Variants in GSG1L observed in about 807,000 individuals in gnomAD.
GSG1L encodes the protein germ cell-specific gene 1-like protein.
GSG1L carries 24 observed loss-of-function variants against 42.1 expected under a neutral mutation model. The observed-to-expected ratio is 0.57, with a 90% CI of 0.41 to 0.80. The LOEUF (loss-of-function observed/expected upper bound fraction) is 0.80, where lower values mean the gene tolerates loss of function less well. Ranked by LOEUF, GSG1L falls within the 30% of genes least tolerant of loss-of-function variation. The pLI is 0.00. For synonymous variants in GSG1L, 215 were observed against 203.5 expected, an observed-to-expected ratio of 1.06 and a Z score of -0.48; for missense variants, 445 against 472.2, an observed-to-expected ratio of 0.94 and a Z score of 0.53.
intron 1 of GSG1L, among the ~76,000 whole-genome samples, chr16:27,999,393 C>T (rs1444835926): frequency 1.3e-5 from 2 of 152,128 alleles, no homozygotes; most frequent in African/African-American, 4.8e-5. Flanking sequence ...TTGCAGTGAG[C>T]TGCAACAACA....
chr16:27,905,262 C>T (rs1156633620), intron 2 of GSG1L, among the ~76,000 whole-genome samples: 1 of 151,800 alleles, frequency 6.6e-6, no homozygotes, highest in East Asian at 1.9e-4. Context: ...TCAACTTCTA[C>T]TGAGCACTTG....
chr16:27,839,429 T>C (rs963028867), intron 4 of GSG1L, among the ~76,000 whole-genome samples: 1 of 152,202 alleles, frequency 6.6e-6, no homozygotes, highest in African/African-American at 2.4e-5. Flanking sequence ...GAGAACTTTT[T>C]CCATTTCTCT....
At chr16:27,968,159 G>C (rs1376444963) in intron 1 of GSG1L, among the ~76,000 whole-genome samples, 1 of 152,012 alleles carries the variant, frequency 6.6e-6, no homozygotes, top group African/African-American at 2.4e-5. Context: ...TTGGCAAAAA[G>C]ATGAATATAT....
In GSG1L at chr16:28,063,523, C is replaced by G. The variant is rs1056204308; in HGVS notation, c.-99G>C. On this transcript the variant is annotated 5_prime_UTR_variant, in exon 1 of 7. Transcript: ENST00000447459. This position sits in a 1 kb window ranked among gnomAD's most constrained non-coding sequence, Gnocchi z 5.8. Reference sequence around the variant, plus strand: ...GTCAGCGGCCGCTGCCCGCCGCGCCCCGGGGCTCGGGTGCCTGAGATCGGC... The same window carrying G: ...GTCAGCGGCCGCTGCCCGCCGCGCCGCGGGGCTCGGGTGCCTGAGATCGGC... The G allele has an allele frequency of 1.3e-6, 1 of 748,196 alleles. No individual in the cohort carries two copies. The highest frequency in any genetic ancestry group is 5.5e-5 in the Admixed American group (1 of 18,300). 46.3% of individuals were successfully genotyped at this position (748,196 alleles called of 1,614,324 possible).
chr16:27,981,545 C>T (rs942963118), intron 1 of GSG1L, among the ~76,000 whole-genome samples: 4 of 152,176 alleles, frequency 2.6e-5, no homozygotes, highest in Admixed American at 6.5e-5. Context: ...GTTCAACTGA[C>T]GGGGCAGCAG....
chr16:27,870,119 CTCTG>C (rs1305789726), intron 3 of GSG1L, among the ~76,000 whole-genome samples: 66 of 149,250 alleles, frequency 4.4e-4, no homozygotes, highest in Middle Eastern at 3.6e-3. Context: ...TCTCTCCTCT[CTCTG>C]TCTGTCTCTG....
intron 1 of GSG1L, among the ~76,000 whole-genome samples, chr16:28,030,861 G>A (rs2085953104): frequency 7.1e-6 from 1 of 140,412 alleles, no homozygotes; most frequent in South Asian, 2.6e-4. Context: ...GATAGACTGG[G>A]ATGGGATGGG....
chr16:28,019,365 G>C (rs1035117661), intron 1 of GSG1L, among the ~76,000 whole-genome samples: 3 of 152,122 alleles, frequency 2.0e-5, no homozygotes, highest in Non-Finnish European at 4.4e-5. Flanking sequence ...TCCCACCAGC[G>C]CCATGACGGT....
At chr16:28,002,101 T>G (rs1476962410) in intron 1 of GSG1L, among the ~76,000 whole-genome samples, 1 of 152,138 alleles carries the variant, frequency 6.6e-6, no homozygotes, top group African/African-American at 2.4e-5. Flanking sequence ...GAGGATTCAG[T>G]GGTGCGCAAG....
At chr16:27,942,946 A>G (rs1445289554) in intron 2 of GSG1L, among the ~76,000 whole-genome samples, 1 of 152,246 alleles carries the variant, frequency 6.6e-6, no homozygotes. Flanking sequence ...TGGAGTATGC[A>G]TGAAAATCAC....
At chr16:27,869,368 G>C (rs74483933) in intron 3 of GSG1L, among the ~76,000 whole-genome samples, 7,563 of 151,424 alleles carry the variant, frequency 0.05, 412 homozygotes, top group Admixed American at 0.11. Context: ...AGTAAATGTC[G>C]GCCCATTTGC....
intron 2 of GSG1L, among the ~76,000 whole-genome samples, chr16:27,923,688 T>G (rs2084554629): frequency 7.0e-6 from 1 of 142,448 alleles, no homozygotes; most frequent in Non-Finnish European, 1.5e-5. Context: ...GTTGCAAGAT[T>G]GAGCCACTGC....
chr16:27,847,628 C>G (rs1244111552), intron 3 of GSG1L, among the ~76,000 whole-genome samples: 1 of 151,900 alleles, frequency 6.6e-6, no homozygotes, highest in Non-Finnish European at 1.5e-5. Flanking sequence ...ACCCAAATCT[C>G]TCACCGAATT....
intron 2 of GSG1L, among the ~76,000 whole-genome samples, chr16:27,942,147 CT>C (rs34617355): frequency 0.14 from 16,050 of 115,760 alleles, 573 homozygotes; most frequent in East Asian, 0.22. Flanking sequence ...AAAACTTCTT[CT>C]TTTTTTTTTT....
intron 1 of GSG1L, among the ~76,000 whole-genome samples, chr16:28,036,227 G>A (rs1216134843): frequency 3.3e-5 from 5 of 152,130 alleles, no homozygotes; most frequent in African/African-American, 9.7e-5. Context: ...GGAAGGCACC[G>A]CTTATATAAC....
chr16:27,825,409 G>C (rs1008917086), intron 5 of GSG1L, among the ~76,000 whole-genome samples: 1 of 152,210 alleles, frequency 6.6e-6, no homozygotes, highest in Non-Finnish European at 1.5e-5. Flanking sequence ...ACTGGCTCAT[G>C]CCTGTAATCC....
intron 2 of GSG1L, among the ~76,000 whole-genome samples, chr16:27,947,581 GAAAGAA>G (rs1293394338): frequency 9.6e-6 from 1 of 103,922 alleles, no homozygotes; most frequent in Non-Finnish European, 2.2e-5. Context: ...AAGAAAGAAA[GAAAGAA>G]AGAAAGAAAG....
intron 1 of GSG1L, among the ~76,000 whole-genome samples, chr16:28,031,284 ATAAGATGGAATGG>A (rs2085960171): frequency 8.8e-6 from 1 of 113,202 alleles, no homozygotes; most frequent in African/African-American, 3.4e-5. Flanking sequence ...ATGGGGTGGG[ATAAGATGGAATGG>A]GATGGGATGA....
chr16:27,790,249 T>G lies in GSG1L; in HGVS notation c.*1121A>C, dbSNP rs550264900. The G allele has an allele frequency of 6.6e-6, 1 of 151,724 alleles. No homozygotes were observed. Among genetic ancestry groups the G allele is most frequent in the Non-Finnish European group, 1.5e-5 (1 of 67,922 alleles). 9.4% of individuals were successfully genotyped at this position (151,724 alleles called of 1,614,324 possible). The stretch of plus-strand genomic sequence containing the variant: ...GGATGGATAATGGATAATGGCTGGA[T>G]GAGTGATGGATGATGGATGGAAGGA... On this transcript the variant is annotated 3_prime_UTR_variant, in exon 7 of 7. Coordinates refer to ENST00000447459, the MANE Select transcript of GSG1L (RefSeq NM_001109763.2).
Sources: gnomAD v4.1 joint callset for allele counts (sites outside exome capture counted in the v4.1 genomes callset) on GRCh38, gnomAD v4.1.1 for gene constraint, Gnocchi (gnomAD v3.1) non-coding constraint, MANE v1.5 for transcripts, NCBI Gene and HGNC (gene_info 2026-07-23, HGNC 2026-07-21) for gene names.